CACNB4: variants seen among roughly 807,000 people sequenced by gnomAD.
CACNB4 encodes the protein calcium voltage-gated channel auxiliary subunit beta 4.
In CACNB4, 32 loss-of-function variants were observed where a neutral mutation model predicts 71.2. The observed-to-expected ratio is 0.45, with a 90% CI of 0.34 to 0.60. The LOEUF (loss-of-function observed/expected upper bound fraction) is 0.60, where lower values mean the gene tolerates loss of function less well. Among genes scored for constraint, CACNB4 ranks in the 20% least tolerant of loss-of-function variants. CACNB4 has a pLI of 0.01. For synonymous variants in CACNB4, 231 were observed against 236.9 expected (o/e 0.97, Z 0.23); for missense variants, 464 against 647.9 (o/e 0.72, Z 3.08).
chr2:151,963,392 C>T (rs1434656878), intron 2 of CACNB4, among the ~76,000 whole-genome samples: 1 of 151,274 alleles, frequency 6.6e-6, no homozygotes, highest in Non-Finnish European at 1.5e-5. Context: ...AAACAAGTGG[C>T]CTAATCTCTC....
Position 151,833,219 on chromosome 2 carries a change from A to G in CACNB4, c.*5900T>C, listed in dbSNP as rs1168897521. Reference sequence around the variant, plus strand: ...AAAAATCTTTTTACATCATTTTGCCATATTTCTGTTTTAGTATGTTTTATG... The same window carrying G: ...AAAAATCTTTTTACATCATTTTGCCGTATTTCTGTTTTAGTATGTTTTATG... On this transcript the variant is annotated 3_prime_UTR_variant, in exon 14 of 14. Coordinates refer to ENST00000539935, the MANE Select transcript of CACNB4 (RefSeq NM_000726.5). 1.3e-5 allele frequency: 2 copies of G among 152,156 alleles called. No homozygotes were observed. The highest frequency in any genetic ancestry group is 2.9e-5 in the Non-Finnish European group (2 of 67,984). The allele number at this position is 152,156 out of a possible 1,614,324, so 9.4% of individuals were successfully genotyped here. A position where few individuals can be genotyped will look rare whatever the true frequency, so the allele number is the denominator to read the frequency against.
chr2:151,896,900 T>A (rs902999753), intron 2 of CACNB4, among the ~76,000 whole-genome samples: 2 of 152,180 alleles, frequency 1.3e-5, no homozygotes, highest in African/African-American at 2.4e-5. Context: ...AGACACTAAA[T>A]AAGATGCCCA....
chr2:151,887,953 TA>T (rs569431919), intron 2 of CACNB4, among the ~76,000 whole-genome samples: 1 of 152,016 alleles, frequency 6.6e-6, no homozygotes, highest in Non-Finnish European at 1.5e-5. Context: ...GTTCTTTTTT[TA>T]AAAAAATGGC....
At chr2:152,088,995 A>T (rs1005234205) in intron 2 of CACNB4, among the ~76,000 whole-genome samples, 9 of 152,184 alleles carry the variant, frequency 5.9e-5, no homozygotes, top group African/African-American at 1.9e-4. Context: ...GCTACAGTAT[A>T]CCCTTAAAAT....
intron 2 of CACNB4, among the ~76,000 whole-genome samples, chr2:151,954,849 A>AAT (rs1389553287): frequency 1.7e-5 from 1 of 60,368 alleles, no homozygotes; most frequent in South Asian, 5.3e-4. Context: ...ACAAGTCAGC[A>AAT]CTTTTTTTTT....
At chr2:152,083,190 G>A (rs1687454808) in intron 2 of CACNB4, among the ~76,000 whole-genome samples, 1 of 152,112 alleles carries the variant, frequency 6.6e-6, no homozygotes, top group African/African-American at 2.4e-5. Flanking sequence ...AGTTCAATGA[G>A]ATTCAAGAAA....
intron 2 of CACNB4, among the ~76,000 whole-genome samples, chr2:151,888,730 A>C (rs2099849991): frequency 6.6e-6 from 1 of 152,222 alleles, no homozygotes. Flanking sequence ...TGGCCACTAC[A>C]TGAAAGAGAA....
chr2:152,069,837 C>CT (rs70974819), intron 2 of CACNB4, among the ~76,000 whole-genome samples: 1,287 of 98,650 alleles, frequency 0.013, 6 homozygotes, highest in Non-Finnish European at 0.018. Flanking sequence ...CTTCATCAAT[C>CT]TTTTTTTTTT....
rs141955028 is a variant in CACNB4, at chr2:151,975,372, T to A, written c.148-92002A>T. Among the ~76,000 whole-genome samples the A allele has an allele frequency of 2.0e-5, 3 of 152,354 alleles. No individual in the cohort carries two copies. The East Asian group carries it at 5.8e-4, about 29-fold the overall frequency. Reference sequence around the variant, plus strand: ...TTCCAGGTCTGTGCTGACCCGTTCATGTCTTTCAATCACAGTCGCACATCT... The same window carrying A: ...TTCCAGGTCTGTGCTGACCCGTTCAAGTCTTTCAATCACAGTCGCACATCT... On this transcript the variant is annotated intron_variant, in intron 2 of 13. Coordinates refer to ENST00000539935, the MANE Select transcript of CACNB4 (RefSeq NM_000726.5).
chr2:151,870,820 T>A, intron 7 of CACNB4, 22 bp downstream of exon 7: 1 of 1,590,248 alleles, frequency 6.3e-7, no homozygotes, highest in Non-Finnish European at 8.6e-7. Context: ...AACAGTAGAT[T>A]TAAAAAGGAA....
At chr2:152,017,926 G>A (rs138296808) in intron 2 of CACNB4, among the ~76,000 whole-genome samples, 3,209 of 151,582 alleles carry the variant, frequency 0.021, 115 homozygotes, top group African/African-American at 0.074. Context: ...TCTGCCTCCT[G>A]GGTTCAAGCG....
intron 2 of CACNB4, among the ~76,000 whole-genome samples, chr2:152,066,438 A>T (rs1453946789): frequency 3.3e-5 from 5 of 152,054 alleles, no homozygotes; most frequent in African/African-American, 4.8e-5. Flanking sequence ...TCAAAACCAC[A>T]ATGAGATACC....
intron 2 of CACNB4, among the ~76,000 whole-genome samples, chr2:151,949,756 GAC>G (rs1211289946): frequency 8.5e-5 from 13 of 152,244 alleles, no homozygotes; most frequent in African/African-American, 3.1e-4. Context: ...ATTTTAAAGA[GAC>G]AGTATTCTGG....
chr2:152,014,724 C>G (rs1683248773), intron 2 of CACNB4, among the ~76,000 whole-genome samples: 1 of 142,258 alleles, frequency 7.0e-6, no homozygotes, highest in Non-Finnish European at 1.5e-5. Flanking sequence ...GAGCGCAACT[C>G]TGTCTCAAAA....
At chr2:151,987,865 G>A (rs755436490) in intron 2 of CACNB4, among the ~76,000 whole-genome samples, 7 of 152,008 alleles carry the variant, frequency 4.6e-5, no homozygotes, top group African/African-American at 7.3e-5. Flanking sequence ...CAATATCTCC[G>A]TCACCATGTA....
intron 2 of CACNB4, among the ~76,000 whole-genome samples, chr2:152,015,103 C>T (rs2105088899): frequency 6.6e-6 from 1 of 152,184 alleles, no homozygotes; most frequent in South Asian, 2.1e-4. Context: ...TCTGTGATTC[C>T]ACCATTACTC....
chr2:151,866,863 C>A (rs892593123), intron 9 of CACNB4: 1 of 150,472 alleles, frequency 6.6e-6, no homozygotes, highest in Admixed American at 6.6e-5. Flanking sequence ...TGTCATCAGA[C>A]CCCATGAATA....
At chr2:151,852,842 T>G (rs923071795) in intron 12 of CACNB4, 3 of 152,234 alleles carry the variant, frequency 2.0e-5, no homozygotes, top group African/African-American at 7.2e-5. Flanking sequence ...GTGGAGAGAC[T>G]GGCCACTGGG....
At chr2:152,047,212 C>A (rs1685181113) in intron 2 of CACNB4, among the ~76,000 whole-genome samples, 1 of 152,186 alleles carries the variant, frequency 6.6e-6, no homozygotes, top group South Asian at 2.1e-4. Flanking sequence ...TGACATATGT[C>A]CCTGAGTCGT....
Sources: allele counts gnomAD v4.1 joint callset (sites outside exome capture counted in the v4.1 genomes callset), GRCh38; gene constraint gnomAD v4.1.1; transcripts MANE v1.5; gene names NCBI Gene and HGNC (gene_info 2026-07-23, HGNC 2026-07-21).